VPS35L: variants seen among roughly 807,000 people sequenced by gnomAD.
VPS35L encodes VPS35 endosomal protein-sorting factor-like.
VPS35L carries 83 observed loss-of-function variants against 133.0 expected under a neutral mutation model. That is an observed-to-expected ratio of 0.62 (90% CI 0.52 to 0.75). The LOEUF is 0.75. VPS35L is among the 30% of genes least tolerant of loss of function. The pLI is 0.00. For missense variants in VPS35L, 1,083 were observed against 1,206.8 expected (o/e 0.90, Z 1.52); for synonymous variants, 423 against 449.9 (o/e 0.94, Z 0.76).
intron 15 of VPS35L, among the ~76,000 whole-genome samples, chr16:19,626,762 A>C (rs779134785): frequency 6.6e-6 from 1 of 152,184 alleles, no homozygotes; most frequent in Non-Finnish European, 1.5e-5. Flanking sequence ...CGCTGTCTCA[A>C]AAAACAAAAG....
intron 5 of VPS35L, 61 bp downstream of exon 5, chr16:19,575,183 T>C (rs1438147800): frequency 2.6e-6 from 4 of 1,520,074 alleles, no homozygotes; most frequent in Non-Finnish European, 3.6e-6. Flanking sequence ...AGTATAATTT[T>C]ACAAAGGAAA....
chr16:19,577,900 C>G (rs766728089), intron 5 of VPS35L, among the ~76,000 whole-genome samples: 1 of 152,212 alleles, frequency 6.6e-6, no homozygotes, highest in Admixed American at 6.5e-5. Flanking sequence ...CTTGGACTTC[C>G]CAGCCTTTAG....
chr16:19,697,725 T>C (rs1205842733), intron 29 of VPS35L, among the ~76,000 whole-genome samples: 1 of 152,126 alleles, frequency 6.6e-6, no homozygotes, highest in Non-Finnish European at 1.5e-5. Flanking sequence ...TCTTAATCCC[T>C]GCATACAACT....
At chr16:19,686,764 A>G (rs1975475347) in intron 28 of VPS35L, among the ~76,000 whole-genome samples, 3 of 152,174 alleles carry the variant, frequency 2.0e-5, no homozygotes, top group African/African-American at 7.2e-5. Flanking sequence ...ACCAAGTGTC[A>G]GCATGGAAAA....
At chr16:19,555,882 G>A (rs1284940558) in intron 1 of VPS35L, 136 bp downstream of exon 1, 6 of 1,283,960 alleles carry the variant, frequency 4.7e-6, no homozygotes, top group East Asian at 2.5e-5. Flanking sequence ...TGTCTTGACC[G>A]TAGAATCCCT....
intron 9 of VPS35L, among the ~76,000 whole-genome samples, chr16:19,606,136 G>A (rs1249308574): frequency 2.0e-5 from 3 of 152,218 alleles, no homozygotes; most frequent in Non-Finnish European, 4.4e-5. Context: ...ATGCAAGGCA[G>A]CCTGCCTTTA....
At chr16:19,692,319 T>C (rs1457355381) in intron 29 of VPS35L, among the ~76,000 whole-genome samples, 2 of 152,208 alleles carry the variant, frequency 1.3e-5, no homozygotes, top group Non-Finnish European at 2.9e-5. Context: ...GGTGAATCCC[T>C]GATAGCGTGG....
At chr16:19,627,827 C>T (rs1195054433) in intron 16 of VPS35L, 22 bp downstream of exon 16, 1 of 1,538,188 alleles carries the variant, frequency 6.5e-7, no homozygotes. Context: ...ACTTCATGCT[C>T]AGTAGGACAC....
chr16:19,645,655 G>T (rs973663320), intron 23 of VPS35L, among the ~76,000 whole-genome samples: 2 of 152,108 alleles, frequency 1.3e-5, no homozygotes, highest in Non-Finnish European at 2.9e-5. Flanking sequence ...TGCCCCACCA[G>T]AGCTCCAGGT....
At chr16:19,647,939 A>G in intron 24 of VPS35L, 57 bp downstream of exon 24, 1 of 1,388,158 alleles carries the variant, frequency 7.2e-7, no homozygotes, top group Non-Finnish European at 1.0e-6. Context: ...GATCATCTAC[A>G]TCCCAATCAT....
rs1435804848 is a variant in VPS35L, at chr16:19,573,113, C to T, written c.286-6C>T. 1.2e-6 allele frequency: 2 copies of T among 1,612,694 alleles called. No homozygotes were observed. Among genetic ancestry groups the T allele is most frequent in the Non-Finnish European group, 1.7e-6 (2 of 1,179,362 alleles). On this transcript the variant is annotated splice_polypyrimidine_tract_variant and splice_region_variant and intron_variant, in intron 3 of 30. Transcript: ENST00000417362. The stretch of plus-strand genomic sequence containing the variant: ...CTGCTGAAGAGATTATCTTGCCTTT[C>T]TTTAGGACAGCTCCAGAAGGAAACG...
intron 12 of VPS35L, among the ~76,000 whole-genome samples, chr16:19,614,277 A>G (rs1394981542): frequency 3.3e-5 from 5 of 152,174 alleles, no homozygotes; most frequent in Admixed American, 3.3e-4. Flanking sequence ...TGAAAACAGC[A>G]CTTCCTGTAC....
chr16:19,662,486 A>G (rs9924919), intron 26 of VPS35L, among the ~76,000 whole-genome samples: 19,858 of 152,202 alleles, frequency 0.13, 2,059 homozygotes, highest in African/African-American at 0.27. Flanking sequence ...ATTGGCCTCC[A>G]TAAGCCGGCA....
chr16:19,698,085 G>A (rs1367221060), intron 29 of VPS35L, among the ~76,000 whole-genome samples: 3 of 152,230 alleles, frequency 2.0e-5, no homozygotes, highest in African/African-American at 4.8e-5. Context: ...TGGGGCCGGC[G>A]TCTCTGTTCT....
chr16:19,594,599 G>A (rs964095641), intron 8 of VPS35L, among the ~76,000 whole-genome samples: 4 of 131,272 alleles, frequency 3.0e-5, no homozygotes, highest in African/African-American at 8.8e-5. Context: ...AGCTGAGATC[G>A]CGCTGCTGCA....
intron 28 of VPS35L, among the ~76,000 whole-genome samples, chr16:19,682,877 AAG>A (rs1975336334): frequency 6.6e-6 from 1 of 152,110 alleles, no homozygotes; most frequent in South Asian, 2.1e-4. Context: ...AAGGAAAAAA[AAG>A]AGTACAGATT....
intron 14 of VPS35L, among the ~76,000 whole-genome samples, chr16:19,624,932 C>T (rs1973213879): frequency 6.6e-6 from 1 of 152,174 alleles, no homozygotes. Flanking sequence ...CTGTAATTAC[C>T]TCTGGTCTTG....
At chr16:19,660,394 C>T (rs1974445864) in intron 26 of VPS35L, among the ~76,000 whole-genome samples, 1 of 151,936 alleles carries the variant, frequency 6.6e-6, no homozygotes, top group South Asian at 2.1e-4. Context: ...GCTAGGACAG[C>T]TGTCAGTCTG....
intron 14 of VPS35L, among the ~76,000 whole-genome samples, chr16:19,621,048 A>G (rs1973063632): frequency 6.6e-6 from 1 of 152,230 alleles, no homozygotes; most frequent in African/African-American, 2.4e-5. Flanking sequence ...ATGCTGTTAT[A>G]TCCATGGCAT....
Sources: gnomAD v4.1 joint callset for allele counts (sites outside exome capture counted in the v4.1 genomes callset) on GRCh38, gnomAD v4.1.1 for gene constraint, MANE v1.5 for transcripts, NCBI Gene and HGNC (gene_info 2026-07-23, HGNC 2026-07-21) for gene names.